The following PDE4D variants were observed in gnomAD, a reference collection of about 807,000 sequenced individuals.
PDE4D encodes phosphodiesterase 4D, also known as 3',5'-cyclic-AMP phosphodiesterase 4D.
In PDE4D, 24 loss-of-function variants were observed where a neutral mutation model predicts 87.4. That is an observed-to-expected ratio of 0.27 (90% CI 0.20 to 0.39). The LOEUF (loss-of-function observed/expected upper bound fraction) is 0.39, where lower values mean the gene tolerates loss of function less well. Among genes scored for constraint, PDE4D ranks in the 10% least tolerant of loss-of-function variants. PDE4D has a pLI of 1.00. For synonymous variants in PDE4D, 384 were observed against 383.2 expected, an observed-to-expected ratio of 1.00 and a Z score of -0.02; for missense variants, 714 against 1,041.0, an observed-to-expected ratio of 0.69 and a Z score of 4.32.
In PDE4D at chr5:59,799,017, A is replaced by G. The variant is rs185442644; in HGVS notation, c.455+94151T>C. Among the ~76,000 whole-genome samples, 139 of 152,340 alleles carry G rather than the reference A, an allele frequency of 9.1e-4. 1 individual carries two copies. The highest frequency in any genetic ancestry group is 3.2e-3 in the African/African-American group (134 of 41,580). Reference sequence around the variant, plus strand: ...TACGATGGGGATTGCAGCCAATTTTATTTAGCCCTCAGGAAATAGGGTGAC... The same window carrying G: ...TACGATGGGGATTGCAGCCAATTTTGTTTAGCCCTCAGGAAATAGGGTGAC... On this transcript the variant is annotated intron_variant, in intron 1 of 14. Coordinates refer to ENST00000340635, the MANE Select transcript of PDE4D (RefSeq NM_001104631.2).
chr5:60,166,619 T>G (rs1328223959), intron 2 of PDE4D, among the ~76,000 whole-genome samples: 1 of 152,232 alleles, frequency 6.6e-6, no homozygotes, highest in East Asian at 1.9e-4. Context: ...GACTATGTAC[T>G]TTTACCAATG....
intron 1 of PDE4D, among the ~76,000 whole-genome samples, chr5:60,343,710 G>A (rs12653662): frequency 0.14 from 20,896 of 151,916 alleles, 1,582 homozygotes; most frequent in South Asian, 0.31. Flanking sequence ...CTCCTCTCTC[G>A]GTGCCTTGAG....
At chr5:59,470,319 A>G (rs1802254711) in intron 1 of PDE4D, among the ~76,000 whole-genome samples, 2 of 152,154 alleles carry the variant, frequency 1.3e-5, no homozygotes, top group South Asian at 2.1e-4. Context: ...CACACAAAAT[A>G]TATTATTTGA....
intron 1 of PDE4D, among the ~76,000 whole-genome samples, chr5:60,506,035 G>A (rs939196451): frequency 6.6e-6 from 1 of 152,178 alleles, no homozygotes; most frequent in Non-Finnish European, 1.5e-5. Flanking sequence ...TTGGTACCAG[G>A]GTGGATTAGA....
intron 1 of PDE4D, among the ~76,000 whole-genome samples, chr5:60,257,228 GAAA>G (rs1749163048): frequency 6.1e-5 from 2 of 32,958 alleles, no homozygotes; most frequent in Non-Finnish European, 1.2e-4. Context: ...GAAAGAGAAA[GAAA>G]GAAAGAAAGA....
chr5:59,898,046 G>A (rs1189085494), upstream of PDE4D, among the ~76,000 whole-genome samples: 1 of 152,132 alleles, frequency 6.6e-6, no homozygotes, highest in South Asian at 2.1e-4. Flanking sequence ...TTCCAACGCA[G>A]TATATTAGGC....
intron 1 of PDE4D, among the ~76,000 whole-genome samples, chr5:59,409,781 A>C (rs567134037): frequency 1.3e-5 from 2 of 148,596 alleles, no homozygotes; most frequent in East Asian, 3.9e-4. Context: ...GCAACGCAAT[A>C]ATGGCCTAAT....
chr5:59,285,392 G>C (rs1198112123), intron 1 of PDE4D, among the ~76,000 whole-genome samples: 2 of 151,942 alleles, frequency 1.3e-5, no homozygotes, highest in African/African-American at 4.8e-5. Flanking sequence ...TTGCTTCATG[G>C]CTGGAATTAG....
intron 5 of PDE4D, among the ~76,000 whole-genome samples, chr5:59,161,777 AC>A (rs2153465339): frequency 6.6e-6 from 1 of 152,324 alleles, no homozygotes; most frequent in African/African-American, 2.4e-5. Flanking sequence ...CCCTGTATTT[AC>A]TTAAGAACTA....
At chr5:59,474,735 T>G (rs6871710) in intron 1 of PDE4D, among the ~76,000 whole-genome samples, 27,566 of 151,988 alleles carry the variant, frequency 0.18, 3,266 homozygotes, top group African/African-American at 0.34. Flanking sequence ...TTTGGATTAC[T>G]GCAGAATAAC....
chr5:60,507,224 G>A (rs1448348875), intron 1 of PDE4D, among the ~76,000 whole-genome samples: 2 of 151,996 alleles, frequency 1.3e-5, no homozygotes, highest in African/African-American at 2.4e-5. Flanking sequence ...ACAGGCACCC[G>A]CCACTATGCC....
intron 1 of PDE4D, among the ~76,000 whole-genome samples, chr5:60,280,069 C>G (rs1017903697): frequency 7.2e-5 from 11 of 151,808 alleles, no homozygotes; most frequent in Admixed American, 5.3e-4. Flanking sequence ...AGAACAAGGC[C>G]CTGTCTCAAA....
intron 1 of PDE4D, among the ~76,000 whole-genome samples, chr5:59,292,353 A>T (rs1402298537): frequency 6.6e-6 from 1 of 152,204 alleles, no homozygotes; most frequent in Non-Finnish European, 1.5e-5. Flanking sequence ...TCTTGCAAAT[A>T]GGTAGTACCT....
chr5:60,314,480 T>G (rs900996197), intron 1 of PDE4D, among the ~76,000 whole-genome samples: 2 of 152,130 alleles, frequency 1.3e-5, no homozygotes, highest in Admixed American at 6.5e-5. Context: ...AGTATGATTT[T>G]ATTTTATTTT....
At chr5:60,368,752 T>C (rs1285368851) in intron 1 of PDE4D, among the ~76,000 whole-genome samples, 2 of 152,076 alleles carry the variant, frequency 1.3e-5, no homozygotes, top group African/African-American at 4.8e-5. Context: ...GACTTGGTTG[T>C]TGAAAGTGTG....
chr5:59,306,422 T>C (rs183083314), intron 1 of PDE4D, among the ~76,000 whole-genome samples: 3 of 152,322 alleles, frequency 2.0e-5, no homozygotes, highest in African/African-American at 7.2e-5. Flanking sequence ...TACCATTGCA[T>C]TCATCATGCT....
At chr5:59,938,843 G>A (rs1360168298) in intron 3 of PDE4D, among the ~76,000 whole-genome samples, 1 of 152,084 alleles carries the variant, frequency 6.6e-6, no homozygotes, top group African/African-American at 2.4e-5. Flanking sequence ...ATCACATACA[G>A]CTCTACATTA....
chr5:59,686,442 A>T (rs1296484110), intron 1 of PDE4D, among the ~76,000 whole-genome samples: 1 of 152,160 alleles, frequency 6.6e-6, no homozygotes, highest in Admixed American at 6.6e-5. Context: ...CAGATTCTAG[A>T]GCCCACTTTC....
chr5:59,429,704 G>A (rs1795831351), intron 1 of PDE4D, among the ~76,000 whole-genome samples: 1 of 152,042 alleles, frequency 6.6e-6, no homozygotes, highest in Non-Finnish European at 1.5e-5. Flanking sequence ...CAAAATTGAG[G>A]GGTGACTTTT....
Sources: gnomAD v4.1 joint callset for allele counts (sites outside exome capture counted in the v4.1 genomes callset) on GRCh38, gnomAD v4.1.1 for gene constraint, MANE v1.5 for transcripts, NCBI Gene and HGNC (gene_info 2026-07-23, HGNC 2026-07-21) for gene names.